Variants in DHRS4 observed in about 807,000 individuals in gnomAD.
DHRS4 encodes the protein dehydrogenase/reductase SDR family member 4.
Under a neutral mutation model 28.4 loss-of-function variants are expected in DHRS4, and 20 were observed. That is an observed-to-expected ratio of 0.71 (90% CI 0.50 to 1.02). The LOEUF (loss-of-function observed/expected upper bound fraction) is 1.02. DHRS4 is among the 50% of genes least tolerant of loss of function. The pLI is 0.00. For missense variants in DHRS4, 378 were observed against 367.2 expected, an observed-to-expected ratio of 1.03 and a Z score of -0.24; for synonymous variants, 144 against 146.4, an observed-to-expected ratio of 0.98 and a Z score of 0.12.
chr14:23,963,900 A>G (rs2033510828), intron 3 of DHRS4, among the ~76,000 whole-genome samples: 1 of 150,772 alleles, frequency 6.6e-6, no homozygotes, highest in South Asian at 2.1e-4. Context: ...AGTTGGCCTA[A>G]TTTCAATGTA....
At chr14:23,956,223 A>G (rs752017536) in intron 2 of DHRS4, among the ~76,000 whole-genome samples, 11 of 152,214 alleles carry the variant, frequency 7.2e-5, no homozygotes, top group Non-Finnish European at 1.3e-4. Flanking sequence ...ACAGACCCCA[A>G]GATTGGGGCC....
Position 23,965,852 on chromosome 14 carries a change from G to A in DHRS4, c.479+20G>A. 2 of 1,607,014 alleles carry A rather than the reference G, an allele frequency of 1.2e-6. No homozygotes were observed. The highest frequency in any genetic ancestry group is 2.2e-5 in the South Asian group (2 of 90,404). On this transcript the variant is annotated intron_variant, in intron 4 of 7. Transcript: ENST00000313250. Reference sequence around the variant, plus strand: ...ACGAGGGTACAGAGAGTGAGAGAGAGCCTGGGTGAGAGGGGACACCACACG... The same window carrying A: ...ACGAGGGTACAGAGAGTGAGAGAGAACCTGGGTGAGAGGGGACACCACACG...
Position 23,955,158 on chromosome 14 carries a change from G to T in DHRS4, c.252G>T (p.Thr84=). 6.2e-7 allele frequency: 1 copy of T among 1,609,436 alleles called. No individual in the cohort carries two copies. The highest frequency in any genetic ancestry group is 1.1e-5 in the South Asian group (1 of 90,970). The stretch of plus-strand genomic sequence containing the variant: ...TGCAGGGGGAGGGGCTGAGCGTGAC[G>T]GGCACCGTGTGCCATGTGGGGAAGG... ...ATLQGEGLSV[T]GTVCHVGKAE... is the part of the protein sequence containing the mutation. The change falls in exon 2 of 8, where the codon ACG becomes ACT. Residue 84 remains threonine, a synonymous_variant. Coordinates refer to ENST00000313250, the MANE Select transcript of DHRS4 (RefSeq NM_021004.4).
At chr14:23,968,515 G>C (rs1300734668) in intron 7 of DHRS4, among the ~76,000 whole-genome samples, 1 of 150,664 alleles carries the variant, frequency 6.6e-6, no homozygotes, top group Non-Finnish European at 1.5e-5. Flanking sequence ...TCTAAAAACC[G>C]GTGTGTTTCT....
intron 3 of DHRS4, among the ~76,000 whole-genome samples, 199 bp downstream of exon 3, chr14:23,960,202 T>C (rs1490014671): frequency 2.6e-5 from 4 of 152,020 alleles, no homozygotes; most frequent in Non-Finnish European, 5.9e-5. Flanking sequence ...TCGTTTCTGC[T>C]ACTCCTAGTT....
chr14:23,969,095 G>A lies in DHRS4; in HGVS notation c.*224G>A. The A allele has an allele frequency of 1.4e-6, 1 of 690,930 alleles. No homozygotes were observed. The highest frequency in any genetic ancestry group is 2.2e-5 in the South Asian group (1 of 44,494). The allele number at this position is 690,930 out of a possible 1,614,324, so 42.8% of individuals were successfully genotyped here. On this transcript the variant is annotated 3_prime_UTR_variant, in exon 8 of 8. Coordinates refer to ENST00000313250, the MANE Select transcript of DHRS4 (RefSeq NM_021004.4). The stretch of plus-strand genomic sequence containing the variant: ...GTAAAGGCCTCCCCTGAGAACACAG[G>A]ACAGGCCTGCTGACAAGGCTGAGTC...
chr14:23,957,527 A>G (rs1426666893), intron 2 of DHRS4, among the ~76,000 whole-genome samples: 1 of 151,370 alleles, frequency 6.6e-6, no homozygotes. Flanking sequence ...TAGTGATCAC[A>G]CAATTTAGAA....
intron 2 of DHRS4, among the ~76,000 whole-genome samples, chr14:23,956,484 G>T (rs142267460): frequency 1.3e-5 from 2 of 152,188 alleles, no homozygotes; most frequent in Admixed American, 6.5e-5. Context: ...GACAGCCAAG[G>T]AGGAACTGAA....
chr14:23,959,997 G>T lies in DHRS4; in HGVS notation c.402G>T (p.Trp134Cys), dbSNP rs756111199. The change falls in exon 3 of 8, where the codon TGG becomes TGT. Residue 134 changes from tryptophan to cysteine, a missense_variant. Transcript: ENST00000313250. ...GSIMDVTEEV[W>C]DKTLDINVKA... ...TAATGGATGTCACTGAGGAGGTGTG[G>T]GACAAGGTGAGAGGGGATTAAAGCA... The T allele has an allele frequency of 1.9e-6, 3 of 1,604,520 alleles. No individual in the cohort carries two copies. Among genetic ancestry groups the T allele is most frequent in the Non-Finnish European group, 2.5e-6 (3 of 1,179,846 alleles).
chr14:23,959,201 G>A (rs2033300160), intron 2 of DHRS4, among the ~76,000 whole-genome samples: 1 of 152,192 alleles, frequency 6.6e-6, no homozygotes, highest in African/African-American at 2.4e-5. Context: ...GCTTCCCAAA[G>A]GGGAAGTGTA....
At position 23,969,017 on chromosome 14, in the gene DHRS4, C is replaced by G; in HGVS notation, c.*146C>G. On this transcript the variant is annotated 3_prime_UTR_variant, in exon 8 of 8. Transcript: ENST00000313250. ...GCCCTGTGAAAAGATCCAGCCTTCC[C>G]TGCCGTCAAGGTGGCGTCTTACTCG... 1 of 1,334,422 alleles carries G rather than the reference C, an allele frequency of 7.5e-7. No individual in the cohort carries two copies. Among genetic ancestry groups the G allele is most frequent in the Non-Finnish European group, 1.0e-6 (1 of 1,001,996 alleles). 82.7% of individuals were successfully genotyped at this position (1,334,422 alleles called of 1,614,324 possible). A position where few individuals can be genotyped will look rare whatever the true frequency, so the allele number is the denominator to read the frequency against.
At chr14:23,965,660 G>T in intron 3 of DHRS4, 102 bp from the exon 4 acceptor site, 2 of 935,268 alleles carry the variant, frequency 2.1e-6, no homozygotes, top group Admixed American at 5.2e-5. Flanking sequence ...ATCTTCGTCA[G>T]CTCTGACAAA....
At chr14:23,954,177 G>A in intron 1 of DHRS4, 1 of 491,840 alleles carries the variant, frequency 2.0e-6, no homozygotes, top group Non-Finnish European at 3.6e-6. Context: ...AGTCTCCCCA[G>A]TGTTCTGGGC....
At chr14:23,959,032 G>A (rs1170360318) in intron 2 of DHRS4, among the ~76,000 whole-genome samples, 3 of 152,148 alleles carry the variant, frequency 2.0e-5, no homozygotes, top group African/African-American at 7.2e-5. Flanking sequence ...TTCCATTCAG[G>A]TAAGTGTGGA....
At chr14:23,954,973 T>C (rs61999765) in intron 1 of DHRS4, 62 bp from the exon 2 acceptor site, 126 of 1,603,992 alleles carry the variant, frequency 7.9e-5, no homozygotes, top group African/African-American at 1.2e-4. Context: ...ACTTCAGAGC[T>C]CATACTGTCG....
Position 23,960,020 on chromosome 14 carries a change from GCAGGGGGGC to G in DHRS4, c.408+19_408+27del. 1.3e-6 allele frequency: 2 copies of G among 1,593,378 alleles called. No homozygotes were observed. Among genetic ancestry groups the G allele is most frequent in the Non-Finnish European group, 1.7e-6 (2 of 1,172,584 alleles). On this transcript the variant is annotated intron_variant, in intron 3 of 7. Coordinates refer to ENST00000313250, the MANE Select transcript of DHRS4 (RefSeq NM_021004.4). ...TGGGACAAGGTGAGAGGGGATTAAA[GCAGGGGGGC>G]CGGGGGGGGCGCCTTGGAACACATT... is the stretch of plus-strand genomic sequence containing the variant.
rs1313503705 is a variant in DHRS4 at position 23,956,023 on chromosome 14, A to AT, written c.306+811_306+812insT. Among the ~76,000 whole-genome samples, 46 of 152,378 alleles carry AT rather than the reference A, an allele frequency of 3.0e-4. 1 individual carries two copies. The highest frequency in any genetic ancestry group is 8.8e-5 in the Non-Finnish European group (6 of 68,034). Reference sequence around the variant, plus strand: ...TGCTAACAGATTGGAAGGTTGGCAGAAATAATTTGCATAATCTTAGAAGAG... The same window carrying AT: ...TGCTAACAGATTGGAAGGTTGGCAGATAATAATTTGCATAATCTTAGAAGAG... On this transcript the variant is annotated intron_variant, in intron 2 of 7. Coordinates refer to ENST00000313250, the MANE Select transcript of DHRS4 (RefSeq NM_021004.4).
At chr14:23,954,288 T>C in intron 1 of DHRS4, 1 of 195,414 alleles carries the variant, frequency 5.1e-6, no homozygotes, top group South Asian at 1.1e-4. Flanking sequence ...CTCCAGCACT[T>C]TGAAAATGTA....
chr14:23,965,694 C>A (rs2033587185), intron 3 of DHRS4, 68 bp from the exon 4 acceptor site: 18 of 1,329,220 alleles, frequency 1.4e-5, no homozygotes, highest in Non-Finnish European at 1.8e-5. Context: ...CACTCTAACT[C>A]CTCATTTTTT....
Sources: allele counts gnomAD v4.1 joint callset (sites outside exome capture counted in the v4.1 genomes callset), GRCh38; gene constraint gnomAD v4.1.1; transcripts MANE v1.5; gene names NCBI Gene and HGNC (gene_info 2026-07-23, HGNC 2026-07-21).